The following PDGFRB variants were observed in gnomAD, a reference collection of about 807,000 sequenced individuals.
PDGFRB encodes platelet-derived growth factor receptor beta.
PDGFRB carries 42 observed loss-of-function variants against 120.2 expected under a neutral mutation model. The observed-to-expected ratio is 0.35, with a 90% CI of 0.27 to 0.45. PDGFRB has a LOEUF of 0.45. Among genes scored for constraint, PDGFRB ranks in the 20% least tolerant of loss-of-function variants. The pLI is 1.00. For missense variants in PDGFRB, 1,149 were observed against 1,476.3 expected (o/e 0.78, Z 3.63); for synonymous variants, 586 against 606.8 (o/e 0.97, Z 0.50).
chr5:150,145,923 C>T (rs2113926398), intron 1 of PDGFRB, among the ~76,000 whole-genome samples: 1 of 152,258 alleles, frequency 6.6e-6, no homozygotes, highest in Admixed American at 6.5e-5. Flanking sequence ...ATCTTTTCGC[C>T]TTCTTTGTCC....
At chr5:150,153,726 T>C (rs1316201223) in intron 1 of PDGFRB, 1 of 151,918 alleles carries the variant, frequency 6.6e-6, no homozygotes, top group Non-Finnish European at 1.5e-5. Context: ...AACTTGTCAC[T>C]AGAGGCCTCT....
chr5:150,133,298 T>C (rs1288929486), intron 6 of PDGFRB, among the ~76,000 whole-genome samples: 1 of 152,090 alleles, frequency 6.6e-6, no homozygotes, highest in African/African-American at 2.4e-5. Flanking sequence ...GCTGGGGCTC[T>C]GGCTAGTCAG....
intron 6 of PDGFRB, 125 bp downstream of exon 6, chr5:150,133,461 G>T: frequency 2.5e-6 from 2 of 803,990 alleles, no homozygotes; most frequent in East Asian, 4.9e-5. Context: ...CAGGCACTGG[G>T]TCCAGCTCAG....
In PDGFRB at chr5:150,114,341, C is replaced by T. The variant is rs1446018384; in HGVS notation, c.*1422G>A. The T allele has an allele frequency of 4.3e-6, 1 of 231,900 alleles. No homozygotes were observed. The highest frequency in any genetic ancestry group is 2.2e-5 in the African/African-American group (1 of 44,818). 14.4% of individuals were successfully genotyped at this position (231,900 alleles called of 1,614,324 possible). ...TCCTTCTTGGGGTACCCATCTGAAGCTTCTTGTCTTTTACAAGACATAACT... is the reference window on the plus strand; with the variant it reads ...TCCTTCTTGGGGTACCCATCTGAAGTTTCTTGTCTTTTACAAGACATAACT... On this transcript the variant is annotated 3_prime_UTR_variant, in exon 23 of 23. Transcript: ENST00000261799.
At position 150,137,033 on chromosome 5, in the gene PDGFRB, A is replaced by T. The variant is rs1562015008; in HGVS notation, c.15T>A (p.Gly5=). 1 of 1,613,600 alleles carries T rather than the reference A, an allele frequency of 6.2e-7. No individual in the cohort carries two copies. The highest frequency in any genetic ancestry group is 8.5e-7 in the Non-Finnish European group (1 of 1,179,710). The change falls in exon 2 of 23, where the codon GGT becomes GGA. Residue 5 remains glycine, a synonymous_variant. Transcript: ENST00000261799. ...CTTTGAGGGCCAGAGCTGGCATCGC[A>T]CCCGGAAGCCGCATGGTGTCCTGCA... The part of the protein sequence containing the change: MRLP[G]AMPALALKGE...
chr5:150,147,261 C>T (rs1760947937), intron 1 of PDGFRB, among the ~76,000 whole-genome samples: 1 of 152,176 alleles, frequency 6.6e-6, no homozygotes, highest in Admixed American at 6.5e-5. Flanking sequence ...CCCTCCCCAT[C>T]CCCACCCCCC....
Position 150,120,149 on chromosome 5 carries a change from G to T in PDGFRB, c.2587-26C>A. On this transcript the variant is annotated intron_variant, in intron 18 of 22. Transcript: ENST00000261799. The surrounding 1 kb of genome is among the most constrained non-coding windows in gnomAD (Gnocchi z 4.3). ...CTGTAGGGAGGTCAGGACAGGTGCT[G>T]AGTGCAAGGAAGGACCTCAGCCCCA... 1.9e-6 allele frequency: 2 copies of T among 1,049,182 alleles called. No homozygotes were observed. Among genetic ancestry groups the T allele is most frequent in the Non-Finnish European group, 3.0e-6 (2 of 663,822 alleles). The allele number at this position is 1,049,182 out of a possible 1,614,324, so 65.0% of individuals were successfully genotyped here.
In PDGFRB at chr5:150,132,665, A is replaced by T; in HGVS notation, c.1127+85T>A. On this transcript the variant is annotated intron_variant, in intron 7 of 22. Coordinates refer to ENST00000261799, the MANE Select transcript of PDGFRB (RefSeq NM_002609.4). This position sits in a 1 kb window ranked among gnomAD's most constrained non-coding sequence, Gnocchi z 5.0. ...AATATGCTCTCAGAAAGCTGGGCCTAGGTTTGTGGCTGAAAGCCGAGGGCT... is the reference window on the plus strand; with the variant it reads ...AATATGCTCTCAGAAAGCTGGGCCTTGGTTTGTGGCTGAAAGCCGAGGGCT... The T allele has an allele frequency of 7.6e-7, 1 of 1,316,148 alleles. No homozygotes were observed. The highest frequency in any genetic ancestry group is 1.0e-6 in the Non-Finnish European group (1 of 958,336). 81.5% of individuals were successfully genotyped at this position (1,316,148 alleles called of 1,614,324 possible).
intron 14 of PDGFRB, among the ~76,000 whole-genome samples, chr5:150,123,659 A>G (rs142571672): frequency 6.6e-6 from 1 of 152,378 alleles, no homozygotes; most frequent in Non-Finnish European, 1.5e-5. Flanking sequence ...AGATATCTAC[A>G]CAAACGAAAA....
intron 14 of PDGFRB, among the ~76,000 whole-genome samples, chr5:150,123,855 G>C (rs1349935341): frequency 2.0e-5 from 3 of 152,328 alleles, no homozygotes; most frequent in Admixed American, 1.3e-4. Context: ...GTTGGCCACA[G>C]AGACTTTCTT....
At chr5:150,117,536 G>GA in intron 22 of PDGFRB, 82 bp downstream of exon 22, 1 of 677,436 alleles carries the variant, frequency 1.5e-6, no homozygotes, top group Non-Finnish European at 2.5e-6. Flanking sequence ...CAGCGCGCGC[G>GA]CGCGCGCGCA....
At chr5:150,141,018 G>A (rs1045720090) in intron 1 of PDGFRB, among the ~76,000 whole-genome samples, 3 of 152,168 alleles carry the variant, frequency 2.0e-5, no homozygotes, top group African/African-American at 7.2e-5. Flanking sequence ...GGGGGTTGAT[G>A]GGGGGAGCCT....
chr5:150,153,908 C>T (rs1761151970), intron 1 of PDGFRB: 1 of 152,190 alleles, frequency 6.6e-6, no homozygotes, highest in African/African-American at 2.4e-5. Flanking sequence ...GCTCCTCCTC[C>T]CTTTCACCAG....
chr5:150,124,529 G>A (rs1185962326), intron 13 of PDGFRB, 169 bp from the exon 14 acceptor site: 6 of 629,552 alleles, frequency 9.5e-6, no homozygotes, highest in African/African-American at 5.5e-5. Flanking sequence ...AGGGTAGGGG[G>A]AAGCAGGCCG....
At position 150,143,879 on chromosome 5, in the gene PDGFRB, C is replaced by T. The variant is rs545803468; in HGVS notation, c.-6-6826G>A. Among the ~76,000 whole-genome samples the T allele has an allele frequency of 7.2e-5, 11 of 152,202 alleles. No individual in the cohort carries two copies. The East Asian group carries it at 1.2e-3, about 16-fold the overall frequency. On this transcript the variant is annotated intron_variant, in intron 1 of 22. Transcript: ENST00000261799. ...GCACCACGAACCTCCCCACCAGCCT[C>T]GGGATCACTCTAAGGGCTACAGAAA...
rs1411722144 is a variant in PDGFRB at position 150,117,841 on chromosome 5, G to T, written c.2914C>A (p.Gln972Lys). 4.4e-6 allele frequency: 7 copies of T among 1,603,592 alleles called. No individual in the cohort carries two copies. Among genetic ancestry groups the T allele is most frequent in the Non-Finnish European group, 8.5e-7 (1 of 1,171,460 alleles). ...CTCCTCAGAAACTCCTCATCCACCT[G>T]CTGGTACTTCTGCTCCCGGGGCAGG... ...LGEGYKKKYQ[Q>K]VDEEFLRSDH... Residue 972 changes from glutamine (Q) to lysine (K), a missense_variant, in exon 22 of 23, where the codon CAG becomes AAG. By Grantham distance (53) the Gln-to-Lys change is moderately conservative (BLOSUM62 1). This residue lies in a region of PDGFRB where 202 missense variants were observed against 214.3 expected (regional missense o/e 0.94). Coordinates refer to ENST00000261799, the MANE Select transcript of PDGFRB (RefSeq NM_002609.4).
chr5:150,116,911 C>A (rs1477630924), intron 22 of PDGFRB, among the ~76,000 whole-genome samples: 3 of 152,158 alleles, frequency 2.0e-5, no homozygotes, highest in Non-Finnish European at 4.4e-5. Context: ...CGGCTAGTGG[C>A]AGAGTTGGGA....
At position 150,121,076 on chromosome 5, in the gene PDGFRB, G is replaced by T; in HGVS notation, c.2464-66C>A. The T allele has an allele frequency of 6.4e-7, 1 of 1,570,990 alleles. No individual in the cohort carries two copies. The highest frequency in any genetic ancestry group is 8.8e-7 in the Non-Finnish European group (1 of 1,141,098). On this transcript the variant is annotated intron_variant, in intron 17 of 22. Transcript: ENST00000261799. The surrounding 1 kb of genome is among the most constrained non-coding windows in gnomAD (Gnocchi z 4.1). The stretch of plus-strand genomic sequence containing the variant: ...TGTGGGGAAAGACCCTTCATGTCAA[G>T]GGCTTTGGGAAAATACAACACTGCC...
At chr5:150,133,347 A>G (rs1042503987) in intron 6 of PDGFRB, among the ~76,000 whole-genome samples, 3 of 152,144 alleles carry the variant, frequency 2.0e-5, no homozygotes, top group Admixed American at 6.5e-5. Flanking sequence ...TGGGGCTGAC[A>G]CTACATTTTG....
Sources: allele counts gnomAD v4.1 joint callset (sites outside exome capture counted in the v4.1 genomes callset), GRCh38; gene constraint gnomAD v4.1.1; regional missense constraint gnomAD v4.1.1; non-coding constraint Gnocchi (gnomAD v3.1); transcripts MANE v1.5; gene names NCBI Gene and HGNC (gene_info 2026-07-23, HGNC 2026-07-21).